Variants in FGD6 observed in about 807,000 individuals in gnomAD.
FGD6 encodes FYVE, RhoGEF and PH domain containing 6.
Under a neutral mutation model 149.4 loss-of-function variants are expected in FGD6, and 90 were observed. The ratio of observed to expected loss-of-function variants is 0.60; its 90% CI spans 0.51 to 0.72. The LOEUF is 0.72. FGD6 is among the 30% of genes least tolerant of loss of function. The pLI is 0.00. For missense variants in FGD6, 1,437 were observed against 1,684.8 expected, an observed-to-expected ratio of 0.85 and a Z score of 2.57; for synonymous variants, 527 against 584.0, an observed-to-expected ratio of 0.90 and a Z score of 1.41.
chr12:95,202,103 A>G (rs1004720827), intron 2 of FGD6, among the ~76,000 whole-genome samples: 1 of 151,950 alleles, frequency 6.6e-6, no homozygotes, highest in Non-Finnish European at 1.5e-5. Context: ...AAAAACATAC[A>G]TATGGGCTGG....
At chr12:95,216,669 C>CAAAAAAAA (rs143881424) in intron 1 of FGD6, among the ~76,000 whole-genome samples, 4 of 88,720 alleles carry the variant, frequency 4.5e-5, no homozygotes, top group Admixed American at 1.3e-4. Context: ...TGCAGACAAG[C>CAAAAAAAA]AAAAAAAAAA....
At chr12:95,165,964 T>C (rs1460727470) in intron 3 of FGD6, among the ~76,000 whole-genome samples, 5 of 88,428 alleles carry the variant, frequency 5.7e-5, no homozygotes, top group Non-Finnish European at 9.2e-5. Context: ...TCTTTTTCTG[T>C]TTTTTTTTTT....
intron 2 of FGD6, among the ~76,000 whole-genome samples, chr12:95,181,257 CATA>C (rs1490822460): frequency 6.6e-6 from 1 of 152,200 alleles, no homozygotes; most frequent in African/African-American, 2.4e-5. Context: ...TGAACAGCAA[CATA>C]ATAATAGGGT....
chr12:95,087,479 G>A (rs567508748), intron 18 of FGD6, among the ~76,000 whole-genome samples: 2 of 152,246 alleles, frequency 1.3e-5, no homozygotes, highest in African/African-American at 2.4e-5. Context: ...ACATGGCAAG[G>A]AGCTGAGGAC....
intron 3 of FGD6, among the ~76,000 whole-genome samples, chr12:95,167,360 C>A (rs757790910): frequency 4.6e-5 from 7 of 152,248 alleles, no homozygotes; most frequent in African/African-American, 1.2e-4. Context: ...TAAGGACTCC[C>A]ATTTCTCCAC....
chr12:95,170,624 A>G (rs1482669785), intron 3 of FGD6, among the ~76,000 whole-genome samples: 1 of 152,202 alleles, frequency 6.6e-6, no homozygotes, highest in Admixed American at 6.5e-5. Context: ...CCTGGGCAAC[A>G]AGAGCGAAAC....
At chr12:95,204,892 G>T (rs2056685924) in intron 2 of FGD6, among the ~76,000 whole-genome samples, 1 of 152,196 alleles carries the variant, frequency 6.6e-6, no homozygotes, top group Non-Finnish European at 1.5e-5. Context: ...AAATTACCAT[G>T]AACTTTTAGA....
intron 2 of FGD6, among the ~76,000 whole-genome samples, chr12:95,202,176 C>T (rs946909991): frequency 2.0e-5 from 3 of 151,924 alleles, no homozygotes; most frequent in Non-Finnish European, 4.4e-5. Flanking sequence ...GACTTGAGGT[C>T]AGGAGTTCAA....
intron 18 of FGD6, among the ~76,000 whole-genome samples, chr12:95,086,533 T>TTC (rs1465859138): frequency 2.1e-4 from 31 of 149,702 alleles, no homozygotes; most frequent in African/African-American, 7.4e-4. Flanking sequence ...TGATTTTTTT[T>TTC]TTCTTTTTTT....
intron 8 of FGD6, among the ~76,000 whole-genome samples, chr12:95,128,752 GT>G (rs1879424191): frequency 6.6e-6 from 1 of 152,228 alleles, no homozygotes. Context: ...CCACTGGGTT[GT>G]CTGCCAGTGT....
At position 95,209,379 on chromosome 12, in the gene FGD6, C is replaced by A. The variant is rs1255235172; in HGVS notation, c.1905G>T (p.Leu635=). The A allele has an allele frequency of 6.2e-7, 1 of 1,613,012 alleles. No individual in the cohort carries two copies. The highest frequency in any genetic ancestry group is 8.5e-7 in the Non-Finnish European group (1 of 1,179,410). ...AGTCACTCTTCATGAAACAGATGGACAGTTTCATGCTGAGCAACTTTTTAA... is the reference window on the plus strand; with the variant it reads ...AGTCACTCTTCATGAAACAGATGGAAAGTTTCATGCTGAGCAACTTTTTAA... ...NSFKKLLSMK[L]SICFMKSDFQ... The change falls in exon 2 of 21, where the codon CTG becomes CTT. Residue 635 remains leucine (L), a synonymous_variant. Coordinates refer to ENST00000343958, the MANE Select transcript of FGD6 (RefSeq NM_018351.4).
chr12:95,174,286 A>C (rs909539726), intron 2 of FGD6, among the ~76,000 whole-genome samples: 5 of 152,230 alleles, frequency 3.3e-5, no homozygotes, highest in Non-Finnish European at 7.3e-5. Flanking sequence ...GAGAGTTAAC[A>C]GGGTGGACAG....
At chr12:95,098,343 C>G (rs918846174) in intron 14 of FGD6, among the ~76,000 whole-genome samples, 2 of 152,204 alleles carry the variant, frequency 1.3e-5, no homozygotes, top group Non-Finnish European at 2.9e-5. Flanking sequence ...AGATTCCATG[C>G]AGCAGCCGGA....
intron 3 of FGD6, among the ~76,000 whole-genome samples, chr12:95,166,853 AC>A (rs1383708316): frequency 8.2e-6 from 1 of 122,174 alleles, no homozygotes; most frequent in East Asian, 2.3e-4. Context: ...GGTTCTTTCT[AC>A]TTTTTTTTTT....
At chr12:95,126,590 G>C (rs1371049875) in intron 8 of FGD6, among the ~76,000 whole-genome samples, 1 of 151,878 alleles carries the variant, frequency 6.6e-6, no homozygotes, top group African/African-American at 2.4e-5. Flanking sequence ...AATTAGCTGG[G>C]CATGGTGGTG....
intron 5 of FGD6, among the ~76,000 whole-genome samples, chr12:95,142,093 G>A (rs890266033): frequency 6.6e-6 from 1 of 151,486 alleles, no homozygotes; most frequent in Non-Finnish European, 1.5e-5. Context: ...GCAACTTCCC[G>A]AGTAGCTGGG....
chr12:95,175,815 A>AAG (rs1555221583), intron 2 of FGD6, among the ~76,000 whole-genome samples: 8 of 142,824 alleles, frequency 5.6e-5, no homozygotes, highest in African/African-American at 7.7e-5. Flanking sequence ...AAAAAAAAAA[A>AAG]AAAAGAAAAA....
Position 95,105,018 on chromosome 12 carries a change from A to G in FGD6, c.3486T>C (p.Ile1162=), listed in dbSNP as rs1363866499. 5 of 1,592,190 alleles carry G rather than the reference A, an allele frequency of 3.1e-6. No homozygotes were observed. Among genetic ancestry groups the G allele is most frequent in the Non-Finnish European group, 4.3e-6 (5 of 1,174,284 alleles). ...LKIESVERSF[I]LSASSATERD... ...AAGAAAAAATTTACCTGGCTGAGAG[A>G]ATGAAGGAACGTTCTACACTTTCAA... Residue 1162 remains isoleucine (I), a synonymous_variant, in exon 14 of 21, where the codon ATT becomes ATC. Coordinates refer to ENST00000343958, the MANE Select transcript of FGD6 (RefSeq NM_018351.4).
intron 2 of FGD6, among the ~76,000 whole-genome samples, chr12:95,191,650 C>A (rs1040864393): frequency 7.9e-5 from 12 of 152,144 alleles, no homozygotes; most frequent in Non-Finnish European, 1.5e-4. Context: ...TCAGGACCCC[C>A]CACAGAGACC....
Sources: gnomAD v4.1 joint callset for allele counts (sites outside exome capture counted in the v4.1 genomes callset) on GRCh38, gnomAD v4.1.1 for gene constraint, MANE v1.5 for transcripts, NCBI Gene and HGNC (gene_info 2026-07-23, HGNC 2026-07-21) for gene names.